Variants in MLLT1 observed in about 807,000 individuals in gnomAD.
MLLT1 encodes the protein MLLT1 super elongation complex subunit.
In MLLT1, 11 loss-of-function variants were observed where a neutral mutation model predicts 55.1. The observed-to-expected ratio is 0.20, with a 90% CI of 0.13 to 0.33. MLLT1 has a LOEUF of 0.33. MLLT1 is among the 10% of genes least tolerant of loss of function. The probability of loss-of-function intolerance (pLI) is 1.00; values close to 1 mark genes in which losing one functional copy is unlikely to be tolerated. For synonymous variants in MLLT1, 323 were observed against 320.1 expected (o/e 1.01, Z -0.10); for missense variants, 536 against 760.6 (o/e 0.70, Z 3.47).
chr19:6,249,897 C>T (rs1339094841), intron 3 of MLLT1, among the ~76,000 whole-genome samples: 1 of 152,060 alleles, frequency 6.6e-6, no homozygotes, highest in Non-Finnish European at 1.5e-5. Context: ...TGGTGCACAC[C>T]TGTGGTCCCA....
rs2090805735 is a variant in MLLT1 at position 6,213,718 on chromosome 19, C to A, written c.1479+8G>T. On this transcript the variant is annotated splice_region_variant and intron_variant, in intron 10 of 11. Coordinates refer to ENST00000252674, the MANE Select transcript of MLLT1 (RefSeq NM_005934.4). ...AGCCTCCCCGCCTTGTCGTAGGTGC[C>A]CCCCCACCTTGTCGTAGGTGCCCTT... The A allele has an allele frequency of 1.3e-6, 2 of 1,596,942 alleles. No homozygotes were observed. Among genetic ancestry groups the A allele is most frequent in the East Asian group, 4.5e-5 (2 of 44,668 alleles).
intron 2 of MLLT1, among the ~76,000 whole-genome samples, chr19:6,265,298 C>T (rs977881480): frequency 1.3e-5 from 2 of 152,144 alleles, no homozygotes; most frequent in Non-Finnish European, 2.9e-5. Context: ...TATTCGCATT[C>T]CTCTGGTTCA....
intron 3 of MLLT1, among the ~76,000 whole-genome samples, chr19:6,254,129 C>G (rs1421308982): frequency 6.6e-6 from 1 of 152,202 alleles, no homozygotes; most frequent in Non-Finnish European, 1.5e-5. Context: ...AGCCCCACCC[C>G]CTGACCTCTT....
chr19:6,228,542 G>A (rs780577447), intron 4 of MLLT1, among the ~76,000 whole-genome samples: 1 of 152,128 alleles, frequency 6.6e-6, no homozygotes, highest in African/African-American at 2.4e-5. Flanking sequence ...CTGGAACGGC[G>A]GAAAGTCCTA....
chr19:6,213,182 T>G lies in MLLT1; in HGVS notation c.1552-12A>C. The G allele has an allele frequency of 6.2e-7, 1 of 1,613,696 alleles. No homozygotes were observed. Among genetic ancestry groups the G allele is most frequent in the African/African-American group, 1.3e-5 (1 of 74,980 alleles). On this transcript the variant is annotated splice_polypyrimidine_tract_variant and intron_variant, in intron 11 of 11. Coordinates refer to ENST00000252674, the MANE Select transcript of MLLT1 (RefSeq NM_005934.4). ...ATCAGATTCACAATCTGTAAGGTGG[T>G]GGCAGGTGGCTTCAGGGGCAGGGGG...
rs190251082 is a variant in MLLT1, at chr19:6,211,805, G to A, written c.*1237C>T. On this transcript the variant is annotated 3_prime_UTR_variant, in exon 12 of 12. Coordinates refer to ENST00000252674, the MANE Select transcript of MLLT1 (RefSeq NM_005934.4). This position sits in a 1 kb window ranked among gnomAD's most constrained non-coding sequence, Gnocchi z 4.6. ...GTCCTGGCCCTGGAAGAGTGGGCCG[G>A]GAAGGAGGACCGGCTTGGCCCCTGG... The A allele has an allele frequency of 1.2e-4, 133 of 1,064,280 alleles. No homozygotes were observed. The East Asian group carries it at 5.1e-3, about 41-fold the overall frequency. The allele number at this position is 1,064,280 out of a possible 1,614,324, so 65.9% of individuals were successfully genotyped here.
intron 2 of MLLT1, among the ~76,000 whole-genome samples, chr19:6,267,340 G>T (rs974442659): frequency 1.3e-5 from 2 of 151,470 alleles, no homozygotes; most frequent in Non-Finnish European, 2.9e-5. Context: ...TTGACCTCAG[G>T]TGATCCACCC....
chr19:6,245,790 T>C (rs2091162716), intron 3 of MLLT1, among the ~76,000 whole-genome samples: 1 of 152,170 alleles, frequency 6.6e-6, no homozygotes, highest in Non-Finnish European at 1.5e-5. Context: ...TCCCAGCTAC[T>C]TGGGAGGCTA....
intron 1 of MLLT1, among the ~76,000 whole-genome samples, chr19:6,277,763 C>A (rs76131586): frequency 0.021 from 3,126 of 152,302 alleles, 47 homozygotes; most frequent in Middle Eastern, 0.051. Flanking sequence ...ATACCCTATG[C>A]CTCTGTGTGC....
At chr19:6,228,423 A>G (rs1407405961) in intron 4 of MLLT1, among the ~76,000 whole-genome samples, 2 of 152,212 alleles carry the variant, frequency 1.3e-5, no homozygotes, top group African/African-American at 4.8e-5. Context: ...GAACACGCAG[A>G]TGACTCCCAC....
In MLLT1 at chr19:6,277,192, G is replaced by A. The variant is rs191310752; in HGVS notation, c.12+2581C>T. ...ACCATTCTCTCCTGTTTCCCCAGGG[G>A]CCTCCGGCTCTGTGAGGAAGGGACA... On this transcript the variant is annotated intron_variant, in intron 1 of 11. Transcript: ENST00000252674. Among the ~76,000 whole-genome samples the A allele has an allele frequency of 2.6e-5, 4 of 152,342 alleles. No individual in the cohort carries two copies. The East Asian group carries it at 7.7e-4, about 29-fold the overall frequency.
In MLLT1 at chr19:6,211,989, T is replaced by A. The variant is rs1423641041; in HGVS notation, c.*1053A>T. 7.5e-6 allele frequency: 8 copies of A among 1,065,440 alleles called. No individual in the cohort carries two copies. The highest frequency in any genetic ancestry group is 1.1e-6 in the Non-Finnish European group (1 of 879,162). 66.0% of individuals were successfully genotyped at this position (1,065,440 alleles called of 1,614,324 possible). A position where few individuals can be genotyped will look rare whatever the true frequency, so the allele number is the denominator to read the frequency against. ...GGCCTGCTGATGGCCGAGCCCACGC[T>A]CGAGGGGCTGACCAGAGTTCAATGC... On this transcript the variant is annotated 3_prime_UTR_variant, in exon 12 of 12. Transcript: ENST00000252674. This position sits in a 1 kb window ranked among gnomAD's most constrained non-coding sequence, Gnocchi z 4.6.
In MLLT1 at chr19:6,273,644, C is replaced by A. The variant is rs2091411213; in HGVS notation, c.13-2885G>T. On this transcript the variant is annotated intron_variant, in intron 1 of 11. Transcript: ENST00000252674. The surrounding 1 kb of genome is among the most constrained non-coding windows in gnomAD (Gnocchi z 4.3). ...CACGCCTGCGCCTCTGCCTTTTTCG[C>A]TAGAAAACAGGAAGGCAACCCCTGT... 6.6e-6 allele frequency among the ~76,000 whole-genome samples: 1 copy of A among 152,204 alleles called. No homozygotes were observed. Among genetic ancestry groups the A allele is most frequent in the African/African-American group, 2.4e-5 (1 of 41,434 alleles).
chr19:6,223,274 C>G (rs531984360), intron 5 of MLLT1, among the ~76,000 whole-genome samples: 1 of 152,350 alleles, frequency 6.6e-6, no homozygotes, highest in African/African-American at 2.4e-5. Flanking sequence ...TGCTGAGCGC[C>G]CACTGGGTCC....
chr19:6,277,811 T>G (rs1006680547), intron 1 of MLLT1, among the ~76,000 whole-genome samples: 1 of 152,164 alleles, frequency 6.6e-6, no homozygotes, highest in African/African-American at 2.4e-5. Context: ...TCATTGAAAG[T>G]GGACACTAAA....
intron 3 of MLLT1, among the ~76,000 whole-genome samples, chr19:6,252,894 GA>G (rs1446408650): frequency 6.6e-6 from 1 of 152,012 alleles, no homozygotes; most frequent in Non-Finnish European, 1.5e-5. Flanking sequence ...AGAATTATGA[GA>G]ATACTATAGA....
chr19:6,274,437 C>T (rs2091417699), intron 1 of MLLT1, among the ~76,000 whole-genome samples: 1 of 152,184 alleles, frequency 6.6e-6, no homozygotes, highest in Non-Finnish European at 1.5e-5. Flanking sequence ...AGAATTGAAG[C>T]TAATCAATTA....
intron 3 of MLLT1, among the ~76,000 whole-genome samples, chr19:6,251,500 A>G (rs1213851914): frequency 6.6e-6 from 1 of 152,254 alleles, no homozygotes; most frequent in Non-Finnish European, 1.5e-5. Flanking sequence ...AGACACACAG[A>G]CAAGTAAACA....
chr19:6,263,963 G>A (rs977839880), intron 2 of MLLT1, among the ~76,000 whole-genome samples: 4 of 151,926 alleles, frequency 2.6e-5, no homozygotes, highest in Non-Finnish European at 5.9e-5. Flanking sequence ...GAGCAGGGGA[G>A]CGACTGCCAC....
Sources: gnomAD v4.1 joint callset for allele counts (sites outside exome capture counted in the v4.1 genomes callset) on GRCh38, gnomAD v4.1.1 for gene constraint, Gnocchi (gnomAD v3.1) non-coding constraint, MANE v1.5 for transcripts, NCBI Gene and HGNC (gene_info 2026-07-23, HGNC 2026-07-21) for gene names.